Variants in VWF observed in about 807,000 individuals in gnomAD.
VWF encodes the protein von Willebrand factor, also known as Factor VIII related antigen.
Under a neutral mutation model 308.6 loss-of-function variants are expected in VWF, and 176 were observed. The ratio of observed to expected loss-of-function variants is 0.57; its 90% confidence interval spans 0.50 to 0.65. VWF has a LOEUF of 0.65. VWF is among the 30% of genes least tolerant of loss of function. The pLI, the probability that VWF is intolerant of heterozygous loss-of-function variation, is 0.00. For synonymous variants in VWF, 1,385 were observed against 1,443.4 expected (o/e 0.96, Z 0.92); for missense variants, 3,146 against 3,648.2 (o/e 0.86, Z 3.55).
intron 44 of VWF, among the ~76,000 whole-genome samples, chr12:5,970,140 CCT>C (rs1168246066): frequency 1.3e-5 from 2 of 152,118 alleles, no homozygotes; most frequent in East Asian, 3.9e-4. Context: ...CTCCTGACTC[CCT>C]GTGGCCAAAT....
intron 20 of VWF, among the ~76,000 whole-genome samples, chr12:6,033,184 A>G (rs1222521012): frequency 6.6e-6 from 1 of 152,246 alleles, no homozygotes; most frequent in East Asian, 1.9e-4. Context: ...AAGAGGAAAC[A>G]AGGGTGTAGG....
rs1417461810 is a variant in VWF, at chr12:6,001,893, G to A, written c.5843-5671C>T. On this transcript the variant is annotated intron_variant, in intron 34 of 51. Transcript: ENST00000261405. ...AAGTAGAACTATTACAGATACTCTC[G>A]TCAGAGTATAGTAAAATTAAAAATT... 1.4e-4 allele frequency among the ~76,000 whole-genome samples: 21 copies of A among 152,104 alleles called. 2 individuals are homozygous for A. The highest frequency in any genetic ancestry group is 1.2e-3 in the South Asian group (6 of 4,818).
chr12:5,993,794 G>T, intron 37 of VWF, 68 bp downstream of exon 37: 2 of 1,439,016 alleles, frequency 1.4e-6, no homozygotes, highest in Non-Finnish European at 1.9e-6. Context: ...AGAATCTGGG[G>T]CACAGAGAGG....
chr12:5,998,435 T>C (rs1366115711), intron 34 of VWF, among the ~76,000 whole-genome samples: 1 of 121,210 alleles, frequency 8.3e-6, no homozygotes, highest in Non-Finnish European at 1.6e-5. Context: ...GAGGCAGAGC[T>C]TGCAGTGAGC....
rs144581669 is a variant in VWF, at chr12:6,073,031, T to A, written c.997+588A>T. Among the ~76,000 whole-genome samples the A allele has an allele frequency of 8.5e-5, 13 of 152,264 alleles. No homozygotes were observed. The East Asian group carries it at 2.5e-3, about 29-fold the overall frequency. Reference sequence around the variant, plus strand: ...ATAGGTGTGCACCACCACCCCCAGCTAATTTTTGTATTTTTAGTGGAGACG... The same window carrying A: ...ATAGGTGTGCACCACCACCCCCAGCAAATTTTTGTATTTTTAGTGGAGACG... On this transcript the variant is annotated intron_variant, in intron 8 of 51. Coordinates refer to ENST00000261405, the MANE Select transcript of VWF (RefSeq NM_000552.5).
chr12:6,091,900 T>C (rs1320823985), intron 6 of VWF, among the ~76,000 whole-genome samples: 1 of 152,182 alleles, frequency 6.6e-6, no homozygotes, highest in African/African-American at 2.4e-5. Flanking sequence ...TTGGGGCAGC[T>C]ACTTAACCTC....
chr12:6,092,317 A>C (rs949682357), intron 6 of VWF, among the ~76,000 whole-genome samples: 1 of 150,736 alleles, frequency 6.6e-6, no homozygotes, highest in Non-Finnish European at 1.5e-5. Context: ...GAACTGGCCC[A>C]GCAGGGACTC....
Position 6,017,934 on chromosome 12 carries a change from G to A in VWF, c.5053+431C>T, listed in dbSNP as rs552183440. Among the ~76,000 whole-genome samples the A allele has an allele frequency of 1.1e-4, 17 of 152,142 alleles. 1 individual carries two copies. The highest frequency in any genetic ancestry group is 3.9e-4 in the East Asian group (2 of 5,180). On this transcript the variant is annotated intron_variant, in intron 28 of 51. Transcript: ENST00000261405. The stretch of plus-strand genomic sequence containing the variant: ...TTGCCCTGAAGAATGTCAGCTACTC[G>A]GAATAATTTCACCCACCCAGTGTGG...
At chr12:5,980,540 A>G (rs947388850) in intron 42 of VWF, among the ~76,000 whole-genome samples, 1 of 152,186 alleles carries the variant, frequency 6.6e-6, no homozygotes, top group Non-Finnish European at 1.5e-5. Context: ...TGGCATTACT[A>G]TAGATTAAAG....
intron 26 of VWF, among the ~76,000 whole-genome samples, chr12:6,022,358 T>C (rs1237804675): frequency 2.0e-5 from 3 of 152,154 alleles, no homozygotes; most frequent in African/African-American, 4.8e-5. Flanking sequence ...TGCTGTACCA[T>C]AGGATCGTCA....
chr12:6,114,420 A>G (rs1389679456), intron 3 of VWF, among the ~76,000 whole-genome samples: 2 of 152,200 alleles, frequency 1.3e-5, no homozygotes, highest in African/African-American at 4.8e-5. Context: ...ATAAGTTTGT[A>G]AAGTAAGGCC....
chr12:6,026,103 T>G, intron 22 of VWF, 57 bp from the exon 23 acceptor site: 2 of 1,612,498 alleles, frequency 1.2e-6, no homozygotes, highest in South Asian at 1.1e-5. Context: ...GCTCTCCGGC[T>G]CAGGGGAAAG....
rs1223792747 is a variant in VWF, at chr12:6,063,395, CACG to C, written c.1433-344_1433-342del. 3.9e-5 allele frequency among the ~76,000 whole-genome samples: 6 copies of C among 152,252 alleles called. No homozygotes were observed. Among genetic ancestry groups the C allele is most frequent in the African/African-American group, 1.4e-4 (6 of 41,524 alleles). On this transcript the variant is annotated intron_variant, in intron 12 of 51. Transcript: ENST00000261405. The surrounding 1 kb of genome is among the most constrained non-coding windows in gnomAD (Gnocchi z 4.9). ...AGGGGGATCTCTTTAGCATTGACAC[CACG>C]ACATCTGAATGTGCCTGGGACACTC...
rs748673885 is a variant in VWF, at chr12:6,023,724, C to G, written c.3286G>C (p.Asp1096His). ...YDTCSCESIG[D>H]CACFCDTIAA... is the part of the protein sequence containing the mutation. ...ATGGTGTCGCAGAAGCAGGCGCAGT[C>G]CCCAATGGACTCACAGGAGCAGGTG... The change falls in exon 25 of 52, where the codon GAC becomes CAC. Residue 1096 changes from aspartate to histidine, a missense_variant. Physicochemically the swap from Asp to His is moderately conservative, Grantham distance 81 (BLOSUM62 -1). Coordinates refer to ENST00000261405, the MANE Select transcript of VWF (RefSeq NM_000552.5). The G allele has an allele frequency of 6.2e-7, 1 of 1,613,796 alleles. No individual in the cohort carries two copies. Among genetic ancestry groups the G allele is most frequent in the South Asian group, 1.1e-5 (1 of 90,966 alleles).
At chr12:6,078,539 C>G (rs1006259754) in intron 6 of VWF, among the ~76,000 whole-genome samples, 2 of 152,170 alleles carry the variant, frequency 1.3e-5, no homozygotes, top group Admixed American at 1.3e-4. Flanking sequence ...ATTGTCTAGC[C>G]TTTTCCCCAC....
chr12:5,970,861 C>T (rs1402280384), intron 44 of VWF, among the ~76,000 whole-genome samples: 1 of 152,236 alleles, frequency 6.6e-6, no homozygotes, highest in African/African-American at 2.4e-5. Context: ...GACTTGGCAC[C>T]ACCCACCTTA....
At position 6,018,773 on chromosome 12, in the gene VWF, C is replaced by G; in HGVS notation, c.4645G>C (p.Glu1549Gln). ...VLQYSYMVTV[E>Q]YPFSEAQSKG... ...GACTGTGCCTCGCTGAAGGGGTACT[C>G]CACAGTCACCATGTAGGAGTACTGC... The change falls in exon 28 of 52, where the codon GAG becomes CAG. Residue 1549 changes from glutamate (E) to glutamine (Q), a missense_variant. By Grantham distance (29) the Glu-to-Gln change is conservative. Transcript: ENST00000261405. 6.2e-7 allele frequency: 1 copy of G among 1,613,570 alleles called. No homozygotes were observed.
intron 39 of VWF, among the ~76,000 whole-genome samples, chr12:5,985,354 G>C (rs1428520988): frequency 6.6e-6 from 1 of 152,212 alleles, no homozygotes; most frequent in African/African-American, 2.4e-5. Context: ...AGAGGCGAGG[G>C]TTAATCTGAG....
At chr12:5,997,768 T>C (rs937463600) in intron 34 of VWF, among the ~76,000 whole-genome samples, 5 of 152,196 alleles carry the variant, frequency 3.3e-5, no homozygotes, top group African/African-American at 9.6e-5. Flanking sequence ...ATCTCCAGAA[T>C]ACCAAATTAC....
Sources: allele counts gnomAD v4.1 joint callset (sites outside exome capture counted in the v4.1 genomes callset), GRCh38; gene constraint gnomAD v4.1.1; non-coding constraint Gnocchi (gnomAD v3.1); transcripts MANE v1.5; gene names NCBI Gene and HGNC (gene_info 2026-07-23, HGNC 2026-07-21).